PACSIN2: variants seen among roughly 807,000 people sequenced by gnomAD.
PACSIN2 encodes the protein protein kinase C and casein kinase substrate in neurons 2, also known as protein kinase C and casein kinase substrate in neurons protein 2.
In PACSIN2, 25 loss-of-function variants were observed where a neutral mutation model predicts 63.8. That is an observed-to-expected ratio of 0.39 (90% CI 0.29 to 0.55). The LOEUF (loss-of-function observed/expected upper bound fraction) is 0.55, where lower values mean the gene tolerates loss of function less well. PACSIN2 is among the 20% of genes least tolerant of loss of function. The pLI, the probability that PACSIN2 is intolerant of heterozygous loss-of-function variation, is 0.62. For synonymous variants in PACSIN2, 255 were observed against 256.2 expected (o/e 1.00, Z 0.05); for missense variants, 518 against 646.9 (o/e 0.80, Z 2.16).
chr22:42,923,633 C>T (rs971327455), intron 1 of PACSIN2, among the ~76,000 whole-genome samples: 7 of 152,090 alleles, frequency 4.6e-5, no homozygotes, highest in Admixed American at 4.6e-4. Flanking sequence ...TTCACCGTGT[C>T]AGCCAGGATG....
At chr22:42,998,669 G>C (rs980440716) in intron 1 of PACSIN2, among the ~76,000 whole-genome samples, 5 of 152,128 alleles carry the variant, frequency 3.3e-5, no homozygotes, top group African/African-American at 1.2e-4. Context: ...ATACAAACAC[G>C]AGGCAGAAGG....
chr22:42,996,740 GAC>G lies in PACSIN2; in HGVS notation c.-78+18279_-78+18280del, dbSNP rs1330138219. 3.3e-5 allele frequency among the ~76,000 whole-genome samples: 5 copies of G among 152,182 alleles called. No individual in the cohort carries two copies. The East Asian group carries it at 9.7e-4, about 29-fold the overall frequency. On this transcript the variant is annotated intron_variant, in intron 1 of 10. Coordinates refer to ENST00000263246, the MANE Select transcript of PACSIN2 (RefSeq NM_001184970.3). ...AATAGAGACGGTCCAGGCCAAAATG[GAC>G]ACACTGAATTTTTTGTTGGTATTTC...
chr22:42,972,262 A>C (rs1300844248), intron 1 of PACSIN2, among the ~76,000 whole-genome samples: 1 of 152,230 alleles, frequency 6.6e-6, no homozygotes, highest in African/African-American at 2.4e-5. Flanking sequence ...TAAATGGATT[A>C]AGGGCGGTGC....
chr22:43,004,199 C>A (rs1203275879), intron 1 of PACSIN2, among the ~76,000 whole-genome samples: 1 of 152,178 alleles, frequency 6.6e-6, no homozygotes, highest in Non-Finnish European at 1.5e-5. Context: ...CCTCTGAAGG[C>A]CACTGAATCT....
chr22:42,960,507 C>A (rs568445793), intron 1 of PACSIN2, among the ~76,000 whole-genome samples: 2 of 152,160 alleles, frequency 1.3e-5, no homozygotes, highest in African/African-American at 4.8e-5. Flanking sequence ...ACTGTGATTA[C>A]ATGGAAATAA....
chr22:42,911,329 G>C (rs796262142), intron 2 of PACSIN2, among the ~76,000 whole-genome samples: 1 of 151,006 alleles, frequency 6.6e-6, no homozygotes, highest in South Asian at 2.1e-4. Flanking sequence ...AGGATGGCTT[G>C]AGCCCAGGAG....
chr22:42,942,508 GT>G (rs897424965), intron 1 of PACSIN2, among the ~76,000 whole-genome samples: 2 of 151,744 alleles, frequency 1.3e-5, no homozygotes, highest in South Asian at 2.1e-4. Context: ...TTTTTTAAAC[GT>G]TTTTTTAATT....
At chr22:42,910,998 G>A (rs561723989) in intron 2 of PACSIN2, among the ~76,000 whole-genome samples, 3 of 151,630 alleles carry the variant, frequency 2.0e-5, no homozygotes, top group South Asian at 2.1e-4. Context: ...TCCGCCTCCC[G>A]GGTTCATGCC....
At chr22:43,011,544 AC>A (rs1382585479) in intron 1 of PACSIN2, among the ~76,000 whole-genome samples, 2 of 152,208 alleles carry the variant, frequency 1.3e-5, no homozygotes, top group African/African-American at 4.8e-5. Context: ...TCCACTGATA[AC>A]CCCTTCAGAA....
intron 1 of PACSIN2, among the ~76,000 whole-genome samples, chr22:42,912,846 A>AC (rs1931552262): frequency 6.6e-6 from 1 of 152,180 alleles, no homozygotes; most frequent in Admixed American, 6.5e-5. Context: ...ACCTTTCTTT[A>AC]CCTTACCCTG....
intron 1 of PACSIN2, among the ~76,000 whole-genome samples, chr22:42,970,177 G>A (rs1921145990): frequency 6.6e-6 from 1 of 152,172 alleles, no homozygotes; most frequent in Admixed American, 6.5e-5. Flanking sequence ...GGGAACCAGT[G>A]CCACCTGAAT....
intron 1 of PACSIN2, among the ~76,000 whole-genome samples, chr22:42,932,463 A>G (rs1932800771): frequency 6.6e-6 from 1 of 152,202 alleles, no homozygotes. Flanking sequence ...CGTATCTCAC[A>G]TATGACAACA....
chr22:42,911,886 G>C (rs1931481901), intron 2 of PACSIN2, 135 bp downstream of exon 2: 2 of 663,896 alleles, frequency 3.0e-6, no homozygotes, highest in South Asian at 3.5e-5. Context: ...CTGCTATCTA[G>C]GTCTGACTAC....
At chr22:42,906,606 G>C (rs969483734) in intron 2 of PACSIN2, among the ~76,000 whole-genome samples, 2 of 152,134 alleles carry the variant, frequency 1.3e-5, no homozygotes, top group Non-Finnish European at 2.9e-5. Flanking sequence ...AGAAGGGCAG[G>C]ATCTTAGGAA....
intron 5 of PACSIN2, among the ~76,000 whole-genome samples, chr22:42,887,231 C>T (rs554479347): frequency 1.6e-4 from 24 of 152,238 alleles, no homozygotes; most frequent in Non-Finnish European, 3.4e-4. Context: ...AGGATTCTGA[C>T]ACTTGGTCTG....
chr22:42,878,061 C>T (rs542706787), intron 8 of PACSIN2, among the ~76,000 whole-genome samples: 20 of 152,338 alleles, frequency 1.3e-4, no homozygotes, highest in Admixed American at 3.3e-4. Flanking sequence ...CTGAGCTCAC[C>T]GGCCCTCCTC....
At chr22:43,008,075 C>T (rs1239419016) in intron 1 of PACSIN2, among the ~76,000 whole-genome samples, 1 of 152,282 alleles carries the variant, frequency 6.6e-6, no homozygotes, top group African/African-American at 2.4e-5. Flanking sequence ...ACACACTCCA[C>T]ATTGAGTGAT....
chr22:42,971,433 T>C (rs1428035779), intron 1 of PACSIN2, among the ~76,000 whole-genome samples: 2 of 152,166 alleles, frequency 1.3e-5, no homozygotes, highest in African/African-American at 2.4e-5. Context: ...CTCGGCTCGC[T>C]ACAACCCCCA....
At chr22:42,898,418 T>C (rs1930443907) in intron 2 of PACSIN2, among the ~76,000 whole-genome samples, 2 of 152,016 alleles carry the variant, frequency 1.3e-5, no homozygotes, top group Non-Finnish European at 2.9e-5. Flanking sequence ...ATTACAGACA[T>C]GCGCCACCAC....
Sources: allele counts gnomAD v4.1 joint callset (sites outside exome capture counted in the v4.1 genomes callset), GRCh38; gene constraint gnomAD v4.1.1; transcripts MANE v1.5; gene names NCBI Gene and HGNC (gene_info 2026-07-23, HGNC 2026-07-21).